IL1RAPL1: variants seen among roughly 807,000 people sequenced by gnomAD.
The protein encoded by IL1RAPL1 is interleukin 1 receptor accessory protein like 1, also known as interleukin-1 receptor accessory protein-like 1.
In IL1RAPL1, 3 loss-of-function variants were observed where a neutral mutation model predicts 48.4. That is an observed-to-expected ratio of 0.06 (90% CI 0.03 to 0.16). The LOEUF is 0.16. Ranked by LOEUF, IL1RAPL1 falls within the 10% of genes least tolerant of loss-of-function variation. The pLI is 1.00. For missense variants in IL1RAPL1, 349 were observed against 530.6 expected, an observed-to-expected ratio of 0.66 and a Z score of 3.36; for synonymous variants, 185 against 187.7, an observed-to-expected ratio of 0.99 and a Z score of 0.12.
At position 28,599,493 on chromosome X, in the gene IL1RAPL1, C is replaced by T. The variant is rs775360523; in HGVS notation, c.-25+11446C>T. Among the ~76,000 whole-genome samples, 7 of 111,646 alleles carry T rather than the reference C, an allele frequency of 6.3e-5. No homozygotes were observed. In the South Asian group the frequency reaches 2.6e-3, roughly 42 times the overall value. On this transcript the variant is annotated intron_variant, in intron 1 of 10. Coordinates refer to ENST00000378993, the MANE Select transcript of IL1RAPL1 (RefSeq NM_014271.4). Reference sequence around the variant, plus strand: ...TAGGCCCCTACTATGCTGAAATCCTCACACTGCCACTGTCTCAGTTGATTA... The same window carrying T: ...TAGGCCCCTACTATGCTGAAATCCTTACACTGCCACTGTCTCAGTTGATTA...
intron 6 of IL1RAPL1, among the ~76,000 whole-genome samples, chrX:29,814,566 G>T (rs1030839525): frequency 1.8e-5 from 2 of 111,485 alleles, no homozygotes; most frequent in African/African-American, 6.5e-5. Context: ...CTTATGCTGT[G>T]CAGGAGCTTA....
chrX:29,406,993 A>AT (rs1444432052), intron 5 of IL1RAPL1, among the ~76,000 whole-genome samples: 1 of 112,222 alleles, frequency 8.9e-6, no homozygotes, highest in Non-Finnish European at 1.9e-5. Context: ...ATGCTTTTAT[A>AT]TTTTTTCTGG....
intron 6 of IL1RAPL1, among the ~76,000 whole-genome samples, chrX:29,916,484 A>G (rs1409029703): frequency 9.0e-6 from 1 of 111,641 alleles, no homozygotes; most frequent in Non-Finnish European, 1.9e-5. Flanking sequence ...TTGCTTTTTC[A>G]TTTTCAGCCC....
chrX:29,863,890 G>T (rs1048014002), intron 6 of IL1RAPL1, among the ~76,000 whole-genome samples: 1 of 111,257 alleles, frequency 9.0e-6, no homozygotes, highest in African/African-American at 3.3e-5. Flanking sequence ...GTATTCAAGC[G>T]ATTCCCCTGC....
chrX:29,214,929 T>C (rs764427286), intron 2 of IL1RAPL1, among the ~76,000 whole-genome samples: 1 of 112,351 alleles, frequency 8.9e-6, no homozygotes, highest in East Asian at 2.8e-4. Context: ...AAGTCCTTAC[T>C]AAATAGATTT....
At chrX:28,818,746 T>C (rs1157778292) in intron 2 of IL1RAPL1, among the ~76,000 whole-genome samples, 1 of 110,748 alleles carries the variant, frequency 9.0e-6, no homozygotes. Context: ...TAAGTGATTA[T>C]AGGACTTACA....
chrX:29,013,196 G>GA (rs1926163277), intron 2 of IL1RAPL1, among the ~76,000 whole-genome samples: 1 of 60,584 alleles, frequency 1.7e-5, no homozygotes, highest in South Asian at 7.7e-4. Context: ...TTATTAAAAA[G>GA]TTAAAAAAAA....
At chrX:29,045,953 C>CTCCTTCT (rs1264290859) in intron 2 of IL1RAPL1, among the ~76,000 whole-genome samples, 32 of 78,066 alleles carry the variant, frequency 4.1e-4, no homozygotes, top group African/African-American at 1.3e-3. Flanking sequence ...CCTCCTCCTC[C>CTCCTTCT]TCCTCCTCCT....
chrX:28,621,495 T>A, intron 1 of IL1RAPL1, among the ~76,000 whole-genome samples: 1 of 112,106 alleles, frequency 8.9e-6, no homozygotes, highest in African/African-American at 3.2e-5. Context: ...GTGGCACTTT[T>A]GAGGCTCTGA....
intron 1 of IL1RAPL1, among the ~76,000 whole-genome samples, chrX:28,694,972 T>A (rs1446599431): frequency 1.8e-5 from 2 of 111,114 alleles, no homozygotes; most frequent in Non-Finnish European, 3.8e-5. Flanking sequence ...TGTTAATTTT[T>A]TTTTAACTTG....
At chrX:28,676,427 G>C (rs781027233) in intron 1 of IL1RAPL1, among the ~76,000 whole-genome samples, 1 of 111,456 alleles carries the variant, frequency 9.0e-6, no homozygotes, top group Admixed American at 9.6e-5. Flanking sequence ...TTTTCTGTGT[G>C]CATATTAGTA....
chrX:29,288,496 T>G (rs771116010), intron 3 of IL1RAPL1, among the ~76,000 whole-genome samples: 1 of 112,445 alleles, frequency 8.9e-6, no homozygotes, highest in South Asian at 3.7e-4. Flanking sequence ...AAGCTCATTC[T>G]TCTTTATGGC....
rs1212609898 is a variant in IL1RAPL1 at position 28,987,191 on chromosome X, A to G, written c.82+197766A>G. Reference sequence around the variant, plus strand: ...AGTGTCCTGAAGGTTACTTGGTCTGACTTAACAGCAAAGTCAATTTAACAG... The same window carrying G: ...AGTGTCCTGAAGGTTACTTGGTCTGGCTTAACAGCAAAGTCAATTTAACAG... On this transcript the variant is annotated intron_variant, in intron 2 of 10. Transcript: ENST00000378993. Among the ~76,000 whole-genome samples the G allele has an allele frequency of 1.8e-4, 20 of 112,213 alleles. No homozygotes were observed. The Admixed American group carries it at 1.9e-3, about 11-fold the overall frequency.
chrX:29,686,609 G>A (rs891279643), intron 6 of IL1RAPL1, among the ~76,000 whole-genome samples: 3 of 106,581 alleles, frequency 2.8e-5, no homozygotes, highest in Non-Finnish European at 5.8e-5. Context: ...CCAGGCTGCA[G>A]TGCAGTGGTG....
At chrX:29,038,774 A>T (rs766749316) in intron 2 of IL1RAPL1, among the ~76,000 whole-genome samples, 1 of 111,787 alleles carries the variant, frequency 8.9e-6, no homozygotes, top group Admixed American at 9.5e-5. Context: ...ATACAAGTAC[A>T]TTCATTTATT....
At chrX:29,337,688 T>A (rs764173586) in intron 3 of IL1RAPL1, among the ~76,000 whole-genome samples, 96 of 111,740 alleles carry the variant, frequency 8.6e-4, no homozygotes, top group African/African-American at 2.6e-3. Flanking sequence ...TTATTTATTT[T>A]TTTTGAGATG....
intron 3 of IL1RAPL1, among the ~76,000 whole-genome samples, chrX:29,378,566 G>T (rs1185511862): frequency 8.9e-6 from 1 of 112,256 alleles, no homozygotes; most frequent in Non-Finnish European, 1.9e-5. Flanking sequence ...TGTTTTCTGA[G>T]GGTCAAGGTT....
chrX:29,691,368 G>A lies in IL1RAPL1; in HGVS notation c.778+22864G>A, dbSNP rs142402417. ...GAATATTTATCCTGGGTTGCTCGATGTATTTAGAAAGTCAAGAGTTATCAG... is the reference window on the plus strand; with the variant it reads ...GAATATTTATCCTGGGTTGCTCGATATATTTAGAAAGTCAAGAGTTATCAG... On this transcript the variant is annotated intron_variant, in intron 6 of 10. Coordinates refer to ENST00000378993, the MANE Select transcript of IL1RAPL1 (RefSeq NM_014271.4). 5.6e-3 allele frequency among the ~76,000 whole-genome samples: 631 copies of A among 111,758 alleles called. 3 individuals are homozygous for A. The highest frequency in any genetic ancestry group is 0.019 in the African/African-American group (591 of 30,736).
intron 6 of IL1RAPL1, among the ~76,000 whole-genome samples, chrX:29,792,899 G>A (rs1348459088): frequency 9.0e-6 from 1 of 111,709 alleles, no homozygotes; most frequent in Non-Finnish European, 1.9e-5. Context: ...GAAAGCAGAT[G>A]TAATTAAATG....
Sources: allele counts gnomAD v4.1 joint callset (sites outside exome capture counted in the v4.1 genomes callset), GRCh38; gene constraint gnomAD v4.1.1; transcripts MANE v1.5; gene names NCBI Gene and HGNC (gene_info 2026-07-23, HGNC 2026-07-21).